ZBTB38: variants seen among roughly 807,000 people sequenced by gnomAD.
The protein encoded by ZBTB38 is zinc finger and BTB domain-containing protein 38.
ZBTB38 carries 20 observed loss-of-function variants against 76.8 expected under a neutral mutation model. The ratio of observed to expected loss-of-function variants is 0.26; its 90% CI spans 0.18 to 0.38. The LOEUF (loss-of-function observed/expected upper bound fraction) is 0.38. Ranked by LOEUF, ZBTB38 falls within the 10% of genes least tolerant of loss-of-function variation. The pLI, the probability that ZBTB38 is intolerant of heterozygous loss-of-function variation, is 1.00. For missense variants in ZBTB38, 1,082 were observed against 1,482.3 expected, an observed-to-expected ratio of 0.73 and a Z score of 4.43; for synonymous variants, 504 against 544.2, an observed-to-expected ratio of 0.93 and a Z score of 1.03.
Position 141,446,035 on chromosome 3 carries a change from T to A in ZBTB38, c.*59T>A. 1 of 1,421,154 alleles carries A rather than the reference T, an allele frequency of 7.0e-7. No individual in the cohort carries two copies. The highest frequency in any genetic ancestry group is 9.4e-7 in the Non-Finnish European group (1 of 1,063,492). 88.0% of individuals were successfully genotyped at this position (1,421,154 alleles called of 1,614,324 possible). On this transcript the variant is annotated 3_prime_UTR_variant, in exon 6 of 6. Coordinates refer to ENST00000321464, the MANE Select transcript of ZBTB38 (RefSeq NM_001376113.1). ...GTTGGTGGTTTTTTTAGTTATGATT[T>A]AAGTTTAGTTTCATTTTGTCCATGT... is the stretch of plus-strand genomic sequence containing the variant.
chr3:141,331,363 GGAGA>G (rs1212513364), intron 1 of ZBTB38, among the ~76,000 whole-genome samples: 5 of 152,198 alleles, frequency 3.3e-5, no homozygotes, highest in Non-Finnish European at 7.3e-5. Context: ...TGATTATGTA[GGAGA>G]GAGAGACAGA....
intron 5 of ZBTB38, among the ~76,000 whole-genome samples, chr3:141,424,572 AG>A (rs2076037389): frequency 6.6e-6 from 1 of 152,208 alleles, no homozygotes; most frequent in African/African-American, 2.4e-5. Flanking sequence ...TGCTTAGAAG[AG>A]ATGCTAACAA....
intron 5 of ZBTB38, among the ~76,000 whole-genome samples, chr3:141,420,975 C>T (rs1465539968): frequency 6.9e-6 from 1 of 144,832 alleles, no homozygotes; most frequent in Non-Finnish European, 1.5e-5. Context: ...GTTTGGAAGC[C>T]ATAGGAGAGG....
chr3:141,443,973 T>C lies in ZBTB38; in HGVS notation c.1585T>C (p.Tyr529His). The change falls in exon 6 of 6, where the codon TAT (tyrosine) becomes CAT (histidine). Residue 529 changes from tyrosine (Y) to histidine (H), a missense_variant. Tyr to His is a moderately conservative substitution (Grantham distance 83, BLOSUM62 2). Transcript: ENST00000321464. The surrounding 1 kb of genome is among the most constrained non-coding windows in gnomAD (Gnocchi z 5.6). ...IFCLETFMTYYILKNHQKSFH... is the reference protein window; with the variant it reads ...IFCLETFMTYHILKNHQKSFH... Reference sequence around the variant, plus strand: ...CTGTCTTGAAACTTTCATGACCTACTATATACTCAAAAATCATCAGAAGTC... The same window carrying C: ...CTGTCTTGAAACTTTCATGACCTACCATATACTCAAAAATCATCAGAAGTC... The C allele has an allele frequency of 6.2e-7, 1 of 1,614,160 alleles. No homozygotes were observed.
intron 1 of ZBTB38, among the ~76,000 whole-genome samples, chr3:141,350,748 A>G (rs1164706049): frequency 2.0e-5 from 3 of 152,242 alleles, no homozygotes; most frequent in African/African-American, 7.2e-5. Flanking sequence ...TTCTTGAAAC[A>G]TGGAAAAATT....
intron 5 of ZBTB38, among the ~76,000 whole-genome samples, chr3:141,417,973 C>T (rs1282458865): frequency 3.3e-5 from 5 of 152,090 alleles, no homozygotes; most frequent in Non-Finnish European, 7.4e-5. Context: ...GAGATCGCGC[C>T]ATTGCACTCC....
chr3:141,360,445 G>A (rs924704703), intron 1 of ZBTB38, among the ~76,000 whole-genome samples: 6 of 152,230 alleles, frequency 3.9e-5, no homozygotes, highest in East Asian at 1.9e-4. Flanking sequence ...AATACAGTTC[G>A]GCCTAATCAA....
At chr3:141,372,414 C>T (rs1324711453) in intron 2 of ZBTB38, among the ~76,000 whole-genome samples, 3 of 151,860 alleles carry the variant, frequency 2.0e-5, no homozygotes, top group Non-Finnish European at 2.9e-5. Context: ...TTTGGGAGGC[C>T]GAGGCAGGTG....
intron 5 of ZBTB38, among the ~76,000 whole-genome samples, chr3:141,406,589 G>C (rs1367647066): frequency 6.6e-6 from 1 of 152,204 alleles, no homozygotes; most frequent in Non-Finnish European, 1.5e-5. Context: ...AAGAAGGCCA[G>C]GGCTCATTTG....
intron 5 of ZBTB38, chr3:141,425,993 T>C: frequency 4.7e-6 from 2 of 422,442 alleles, no homozygotes; most frequent in South Asian, 1.9e-5. Context: ...ACAGCACATA[T>C]ATGCTTGTTA....
intron 5 of ZBTB38, among the ~76,000 whole-genome samples, chr3:141,431,341 AATATAT>A (rs1553771301): frequency 9.7e-6 from 1 of 103,296 alleles, no homozygotes; most frequent in Admixed American, 9.6e-5. Context: ...AAAAAAAAAA[AATATAT>A]ATATATATTT....
intron 5 of ZBTB38, among the ~76,000 whole-genome samples, chr3:141,420,892 A>G (rs1210189906): frequency 6.6e-6 from 1 of 152,092 alleles, no homozygotes; most frequent in Non-Finnish European, 1.5e-5. Context: ...GATAAAACAA[A>G]CACAATTAAG....
Position 141,444,229 on chromosome 3 carries a change from C to T in ZBTB38, c.1841C>T (p.Pro614Leu), listed in dbSNP as rs750608265. 4 of 1,614,148 alleles carry T rather than the reference C, an allele frequency of 2.5e-6. No homozygotes were observed. In the Admixed American group the frequency reaches 6.7e-5, roughly 27 times the overall value. The change falls in exon 6 of 6, where the codon CCA becomes CTA. Residue 614 changes from proline (P) to leucine (L), a missense_variant. Physicochemically the swap from Pro to Leu is moderately conservative, Grantham distance 98. This residue lies in a region of ZBTB38 where 471 missense variants were observed against 581.0 expected (regional missense o/e 0.81). Transcript: ENST00000321464. The surrounding 1 kb of genome is among the most constrained non-coding windows in gnomAD (Gnocchi z 5.1). ...VVQNPHSSELPTLNFQDTVNT... is the reference protein window; with the variant it reads ...VVQNPHSSELLTLNFQDTVNT... ...CAGAATCCACACAGCTCTGAATTAC[C>T]AACGCTGAATTTCCAAGATACTGTA...
intron 2 of ZBTB38, among the ~76,000 whole-genome samples, chr3:141,376,657 C>T (rs532132754): frequency 6.6e-6 from 1 of 152,346 alleles, no homozygotes; most frequent in Non-Finnish European, 1.5e-5. Context: ...TCCTGCACAA[C>T]TTTCTTGAGT....
chr3:141,392,023 G>A (rs1161477606), intron 4 of ZBTB38, among the ~76,000 whole-genome samples: 1 of 152,166 alleles, frequency 6.6e-6, no homozygotes, highest in African/African-American at 2.4e-5. Context: ...AAAGGTCAGG[G>A]AACAAAGGGA....
chr3:141,415,616 G>A (rs2073829121), intron 5 of ZBTB38, among the ~76,000 whole-genome samples: 1 of 152,236 alleles, frequency 6.6e-6, no homozygotes, highest in African/African-American at 2.4e-5. Context: ...GAAGCACAGA[G>A]ACAGACTGAC....
rs115361010 is a variant in ZBTB38, at chr3:141,355,367, A to C, written c.-738-13254A>C. Among the ~76,000 whole-genome samples the C allele has an allele frequency of 5.7e-3, 863 of 152,238 alleles. 9 individuals carry two copies. Among genetic ancestry groups the C allele is most frequent in the African/African-American group, 0.02 (821 of 41,546 alleles). ...TCCTGACCCCTCCATGGGCATGTAC[A>C]GGAGCCCTAGTCTTTCACATGCCCA... On this transcript the variant is annotated intron_variant, in intron 1 of 7. Transcript: ENST00000509842.
rs114979325 is a variant in ZBTB38 at position 141,430,947 on chromosome 3, T to C, written c.1-11442T>C. Among the ~76,000 whole-genome samples the C allele has an allele frequency of 2.5e-3, 374 of 152,184 alleles. 3 individuals carry two copies. Among genetic ancestry groups the C allele is most frequent in the African/African-American group, 8.2e-3 (339 of 41,520 alleles). ...ATAAGCTCACCCCTAAAATGAAAAT[T>C]TTCAGGGAACAGGAACCCTGTCCTG... On this transcript the variant is annotated intron_variant, in intron 5 of 5. Coordinates refer to ENST00000321464, the MANE Select transcript of ZBTB38 (RefSeq NM_001376113.1).
intron 4 of ZBTB38, among the ~76,000 whole-genome samples, chr3:141,400,969 C>T (rs186900601): frequency 9.2e-5 from 14 of 152,328 alleles, no homozygotes; most frequent in African/African-American, 3.4e-4. Context: ...AGCAATACTG[C>T]ATACTAGCAC....
Sources: gnomAD v4.1 joint callset for allele counts (sites outside exome capture counted in the v4.1 genomes callset) on GRCh38, gnomAD v4.1.1 for gene constraint, gnomAD v4.1.1 regional missense constraint, Gnocchi (gnomAD v3.1) non-coding constraint, MANE v1.5 for transcripts, NCBI Gene and HGNC (gene_info 2026-07-23, HGNC 2026-07-21) for gene names.